The following UNC80 variants were observed in gnomAD, a reference collection of about 807,000 sequenced individuals.
UNC80 encodes protein unc-80 homolog.
A neutral mutation model predicts 384.6 loss-of-function variants in UNC80; 164 were observed. That is an observed-to-expected ratio of 0.43 (90% CI 0.38 to 0.49). The LOEUF (loss-of-function observed/expected upper bound fraction) is 0.49, where lower values mean the gene tolerates loss of function less well. UNC80 is among the 20% of genes least tolerant of loss of function. The probability of loss-of-function intolerance (pLI) is 0.00; values close to 1 mark genes in which losing one functional copy is unlikely to be tolerated. For missense variants in UNC80, 3,330 were observed against 4,143.0 expected, an observed-to-expected ratio of 0.80 and a Z score of 5.39; for synonymous variants, 1,486 against 1,527.8, an observed-to-expected ratio of 0.97 and a Z score of 0.64.
chr2:209,810,611 C>T (rs1056289830), intron 7 of UNC80, among the ~76,000 whole-genome samples: 1 of 152,112 alleles, frequency 6.6e-6, no homozygotes, highest in African/African-American at 2.4e-5. Context: ...ATGGTTATCT[C>T]ATATGGAGCA....
chr2:209,914,075 C>A, intron 31 of UNC80, 135 bp downstream of exon 31: 1 of 1,100,058 alleles, frequency 9.1e-7, no homozygotes, highest in Non-Finnish European at 1.3e-6. Flanking sequence ...ACTGTAGACT[C>A]TAGAGCTGTG....
intron 55 of UNC80, among the ~76,000 whole-genome samples, 200 bp downstream of exon 55, chr2:209,972,524 T>G (rs924664281): frequency 3.9e-5 from 6 of 152,202 alleles, no homozygotes; most frequent in Non-Finnish European, 5.9e-5. Flanking sequence ...CTGCTCTACT[T>G]CTTAGGAGAT....
chr2:209,856,638 A>C (rs1490845665), intron 22 of UNC80, among the ~76,000 whole-genome samples: 1 of 152,056 alleles, frequency 6.6e-6, no homozygotes, highest in Non-Finnish European at 1.5e-5. Flanking sequence ...TGGAAAAATA[A>C]TTATCCTAGC....
Position 209,926,842 on chromosome 2 carries a change from GA to G in UNC80, c.5663del (p.Asp1888ValfsTer36). 1 of 1,551,906 alleles carries G rather than the reference GA, an allele frequency of 6.4e-7. No homozygotes were observed. Among genetic ancestry groups the G allele is most frequent in the Non-Finnish European group, 8.7e-7 (1 of 1,146,946 alleles). On this transcript the variant is annotated frameshift_variant and splice_region_variant, in exon 36 of 65. Transcript: ENST00000673920. LOFTEE classifies it high-confidence loss of function. ...CACCCTGATTTTGTCTCCCATTTTA[GA>G]TGAGGAACATACCACTGAACACACG... ...WSVRSAVSAE[D>X]EEHTTEHTPN... is the part of the protein sequence containing the mutation.
Position 209,993,421 on chromosome 2 carries a change from C to A in UNC80, c.9503C>A (p.Pro3168Gln). The A allele has an allele frequency of 1.9e-6, 3 of 1,551,370 alleles. No homozygotes were observed. The highest frequency in any genetic ancestry group is 1.7e-4 in the Middle Eastern group (1 of 5,990). The change falls in exon 63 of 65, where the codon CCG becomes CAG. Residue 3168 changes from proline to glutamine, a missense_variant. Pro to Gln is a moderately conservative substitution (Grantham distance 76). Around this residue, in one of 8 missense-constraint regions of UNC80, gnomAD observed 236 missense variants for 254.9 expected, o/e 0.93. Transcript: ENST00000673920. ...TRRSIQPKTK[P>Q]SADQKRSVTF... ...AGGAGCATTCAACCTAAAACGAAGC[C>A]GTCTGGTGAGGCCTCCTGTGTCCCT... is the stretch of plus-strand genomic sequence containing the variant.
intron 45 of UNC80, among the ~76,000 whole-genome samples, chr2:209,943,839 C>T (rs527371939): frequency 1.3e-5 from 2 of 152,108 alleles, no homozygotes; most frequent in Non-Finnish European, 2.9e-5. Flanking sequence ...GGAAAGCTCT[C>T]AGTTATTATG....
chr2:209,837,612 T>A (rs879764434), intron 18 of UNC80, among the ~76,000 whole-genome samples: 6 of 152,146 alleles, frequency 3.9e-5, no homozygotes, highest in Non-Finnish European at 7.3e-5. Flanking sequence ...CATATAATAG[T>A]CCTCTAAAAT....
Position 209,896,398 on chromosome 2 carries a change from C to T in UNC80, c.4566C>T (p.Asn1522=). ...NAGAEENYHR[N]MSWLHVMILL... ...GCGCGGAGGAGAATTACCACAGAAA[C>T]ATGTCGTGGCTTCATGTAAGTAGGA... Residue 1522 remains asparagine (N), a synonymous_variant, in exon 28 of 65, where the codon AAC becomes AAT. Coordinates refer to ENST00000673920, the MANE Select transcript of UNC80 (RefSeq NM_001371986.1). 5.2e-6 allele frequency: 8 copies of T among 1,551,476 alleles called. No homozygotes were observed. The highest frequency in any genetic ancestry group is 7.0e-6 in the Non-Finnish European group (8 of 1,146,820).
intron 5 of UNC80, among the ~76,000 whole-genome samples, chr2:209,787,027 AT>A (rs2077483739): frequency 6.8e-6 from 1 of 146,354 alleles, no homozygotes; most frequent in African/African-American, 2.5e-5. Context: ...ATACCTATAT[AT>A]TTTTAAAATA....
At chr2:209,898,894 A>G (rs1321965771) in intron 28 of UNC80, among the ~76,000 whole-genome samples, 1 of 152,166 alleles carries the variant, frequency 6.6e-6, no homozygotes, top group Non-Finnish European at 1.5e-5. Flanking sequence ...TGGCTGGCTT[A>G]TTTCACTTAA....
intron 31 of UNC80, among the ~76,000 whole-genome samples, chr2:209,915,831 G>A (rs56297014): frequency 0.035 from 5,351 of 152,226 alleles, 325 homozygotes; most frequent in African/African-American, 0.12. Flanking sequence ...TGTGACTATC[G>A]TTAATAACAA....
At chr2:209,805,356 G>A (rs2078826409) in intron 7 of UNC80, among the ~76,000 whole-genome samples, 1 of 152,196 alleles carries the variant, frequency 6.6e-6, no homozygotes, top group South Asian at 2.1e-4. Flanking sequence ...TCCAAAATCT[G>A]TATTAGCTGT....
intron 48 of UNC80, among the ~76,000 whole-genome samples, chr2:209,956,329 G>T: frequency 0.038 from 1 of 26 alleles, no homozygotes; most frequent in East Asian, 0.5. Flanking sequence ...GGTTTCTCAA[G>T]GTGGAAGTCA....
chr2:209,898,730 A>G (rs1034706331), intron 28 of UNC80, among the ~76,000 whole-genome samples: 2 of 151,914 alleles, frequency 1.3e-5, no homozygotes, highest in African/African-American at 4.8e-5. Flanking sequence ...ATTTTTTTGT[A>G]TTCATTAACT....
At chr2:209,915,197 G>T (rs1056210859) in intron 31 of UNC80, among the ~76,000 whole-genome samples, 3 of 151,968 alleles carry the variant, frequency 2.0e-5, no homozygotes, top group African/African-American at 7.3e-5. Context: ...GAGGTCAGGA[G>T]ATCAAGACCA....
intron 14 of UNC80, 73 bp downstream of exon 14, chr2:209,826,126 A>G (rs1319127565): frequency 7.1e-7 from 1 of 1,402,994 alleles, no homozygotes; most frequent in Non-Finnish European, 9.5e-7. Context: ...GTCCTTTGAC[A>G]ATGAGGGTCA....
intron 3 of UNC80, 129 bp from the exon 4 acceptor site, chr2:209,777,129 T>A: frequency 9.3e-7 from 1 of 1,080,422 alleles, no homozygotes. Flanking sequence ...AAAGCAAGAA[T>A]GAGCCCTGCT....
chr2:209,809,131 A>G (rs2079145357), intron 7 of UNC80: 27 of 576,166 alleles, frequency 4.7e-5, no homozygotes, highest in Non-Finnish European at 7.8e-5. Context: ...TTTCTCCTCC[A>G]CTTCAGCTTC....
chr2:209,994,092 T>C lies in UNC80; in HGVS notation c.9536T>C (p.Ile3179Thr), dbSNP rs376637361. Residue 3179 changes from isoleucine to threonine, a missense_variant, in exon 64 of 65, where the codon ATT becomes ACT. Physicochemically the swap from Ile to Thr is moderately conservative, Grantham distance 89. Transcript: ENST00000673920. ...SADQKRSVTFIEAQPEPAAAP... is the reference protein window; with the variant it reads ...SADQKRSVTFTEAQPEPAAAP... ...GATCAGAAACGATCTGTGACCTTCATTGAGGCTCAGCCAGAGCCAGCAGCT... is the reference window on the plus strand; with the variant it reads ...GATCAGAAACGATCTGTGACCTTCACTGAGGCTCAGCCAGAGCCAGCAGCT... The C allele has an allele frequency of 6.0e-5, 93 of 1,551,490 alleles. No individual in the cohort carries two copies. In the East Asian group the frequency reaches 7.1e-4, roughly 12 times the overall value.
Sources: allele counts gnomAD v4.1 joint callset (sites outside exome capture counted in the v4.1 genomes callset), GRCh38; gene constraint gnomAD v4.1.1; regional missense constraint gnomAD v4.1.1; transcripts MANE v1.5; gene names NCBI Gene and HGNC (gene_info 2026-07-23, HGNC 2026-07-21).